TMED8: variants seen among roughly 807,000 people sequenced by gnomAD.
The protein encoded by TMED8 is protein TMED8.
In TMED8, 15 loss-of-function variants were observed where a neutral mutation model predicts 32.7. That is an observed-to-expected ratio of 0.46 (90% CI 0.31 to 0.71). The LOEUF (loss-of-function observed/expected upper bound fraction) is 0.71. Among genes scored for constraint, TMED8 ranks in the 30% least tolerant of loss-of-function variants. TMED8 has a pLI of 0.06. For missense variants in TMED8, 390 were observed against 423.9 expected (o/e 0.92, Z 0.70); for synonymous variants, 147 against 161.4 (o/e 0.91, Z 0.68).
At position 77,346,615 on chromosome 14, in the gene TMED8, AC is replaced by A. The variant is rs1268278725; in HGVS notation, c.198-138del. ...CTGGCATTTATTTAGCTCTACTGTC[AC>A]CTTAGCCGACCACTGCCCAGGGCTG... On this transcript the variant is annotated intron_variant, in intron 2 of 5. Transcript: ENST00000216468. 9.2e-6 allele frequency: 10 copies of A among 1,083,094 alleles called. No individual in the cohort carries two copies. In the African/African-American group the frequency reaches 1.4e-4, roughly 15 times the overall value. 67.1% of individuals were successfully genotyped at this position (1,083,094 alleles called of 1,614,324 possible).
rs965128680 is a variant in TMED8 at position 77,336,419 on chromosome 14, G to A, written c.*5352C>T. 1 of 152,134 alleles carries A rather than the reference G, an allele frequency of 6.6e-6. No homozygotes were observed. Among genetic ancestry groups the A allele is most frequent in the Non-Finnish European group, 1.5e-5 (1 of 68,016 alleles). The allele number at this position is 152,134 out of a possible 1,614,324, so 9.4% of individuals were successfully genotyped here. ...AGTGTCTTGCCTTTGGACTGTGTGTGTGAGGCATGCCTATTTGTAAATGAG... is the reference window on the plus strand; with the variant it reads ...AGTGTCTTGCCTTTGGACTGTGTGTATGAGGCATGCCTATTTGTAAATGAG... On this transcript the variant is annotated 3_prime_UTR_variant, in exon 6 of 6. Coordinates refer to ENST00000216468, the MANE Select transcript of TMED8 (RefSeq NM_213601.3).
Position 77,376,686 on chromosome 14 carries a change from T to C in TMED8, c.118+250A>G. On this transcript the variant is annotated intron_variant, in intron 1 of 5. Coordinates refer to ENST00000216468, the MANE Select transcript of TMED8 (RefSeq NM_213601.3). The surrounding 1 kb of genome is among the most constrained non-coding windows in gnomAD (Gnocchi z 4.0). ...GGCAGAGCCACCCTGTCACTACCAT[T>C]TGGGCAGATCTCAGAAAGGAAGCGG... is the stretch of plus-strand genomic sequence containing the variant. The C allele has an allele frequency of 1.0e-5, 3 of 295,262 alleles. No homozygotes were observed. Among genetic ancestry groups the C allele is most frequent in the Non-Finnish European group, 6.2e-6 (1 of 160,578 alleles). The allele number at this position is 295,262 out of a possible 1,614,324, so 18.3% of individuals were successfully genotyped here.
intron 1 of TMED8, among the ~76,000 whole-genome samples, chr14:77,365,140 C>T (rs1409307085): frequency 6.6e-6 from 1 of 152,076 alleles, no homozygotes; most frequent in Non-Finnish European, 1.5e-5. Context: ...AAATATTTTG[C>T]CAAAATCAAA....
chr14:77,365,970 A>G (rs1224988099), intron 1 of TMED8, among the ~76,000 whole-genome samples: 1 of 152,250 alleles, frequency 6.6e-6, no homozygotes, highest in African/African-American at 2.4e-5. Context: ...GGCTATAATT[A>G]GAAAATAATT....
At chr14:77,372,175 T>G (rs2139639238) in intron 1 of TMED8, among the ~76,000 whole-genome samples, 1 of 152,320 alleles carries the variant, frequency 6.6e-6, no homozygotes, top group Middle Eastern at 3.4e-3. Context: ...TGATGGCCAC[T>G]AAAGCAAAGG....
chr14:77,362,874 AAAG>A (rs1242712857), intron 1 of TMED8, among the ~76,000 whole-genome samples: 2 of 152,246 alleles, frequency 1.3e-5, no homozygotes, highest in African/African-American at 4.8e-5. Context: ...CACACGAAAC[AAAG>A]AAGGCCATTA....
chr14:77,366,494 G>A (rs994770832), intron 1 of TMED8, among the ~76,000 whole-genome samples: 3 of 152,180 alleles, frequency 2.0e-5, no homozygotes, highest in African/African-American at 7.2e-5. Flanking sequence ...TAACAATTTA[G>A]TGAGCCTCCT....
rs138762800 is a variant in TMED8 at position 77,357,322 on chromosome 14, T to G, written c.119-5571A>C. ...TTCATGTTTTCAGCCTAATCCACCA[T>G]CAAGCTCCTCATTAACCCTGCACCT... is the stretch of plus-strand genomic sequence containing the variant. On this transcript the variant is annotated intron_variant, in intron 1 of 5. Transcript: ENST00000216468. 4.6e-5 allele frequency among the ~76,000 whole-genome samples: 7 copies of G among 152,318 alleles called. No individual in the cohort carries two copies. The East Asian group carries it at 1.3e-3, about 29-fold the overall frequency.
rs1200165466 is a variant in TMED8 at position 77,340,150 on chromosome 14, T to G, written c.*1621A>C. The G allele has an allele frequency of 6.6e-6, 1 of 151,996 alleles. No individual in the cohort carries two copies. The highest frequency in any genetic ancestry group is 1.5e-5 in the Non-Finnish European group (1 of 68,030). The allele number at this position is 151,996 out of a possible 1,614,324, so 9.4% of individuals were successfully genotyped here. On this transcript the variant is annotated 3_prime_UTR_variant, in exon 6 of 6. Coordinates refer to ENST00000216468, the MANE Select transcript of TMED8 (RefSeq NM_213601.3). ...ACAACTTAGAATTTTTCATGGGGAG[T>G]GCTGGACTGTACCCCAAACATGGAG...
intron 2 of TMED8, among the ~76,000 whole-genome samples, chr14:77,347,829 T>C (rs143723009): frequency 1.3e-5 from 2 of 152,368 alleles, no homozygotes; most frequent in Non-Finnish European, 2.9e-5. Context: ...TTTGGGAATC[T>C]GTTGCTGATA....
chr14:77,347,256 A>C (rs1893069619), intron 2 of TMED8, among the ~76,000 whole-genome samples: 1 of 152,220 alleles, frequency 6.6e-6, no homozygotes, highest in African/African-American at 2.4e-5. Context: ...AGGTCTGCCT[A>C]AGGGAGACTG....
intron 1 of TMED8, among the ~76,000 whole-genome samples, chr14:77,364,881 T>C (rs1055948956): frequency 2.0e-5 from 3 of 152,186 alleles, no homozygotes; most frequent in African/African-American, 7.2e-5. Context: ...ACACTAGATA[T>C]AATCATTCCT....
intron 1 of TMED8, among the ~76,000 whole-genome samples, chr14:77,353,947 C>T (rs1352148355): frequency 4.6e-5 from 7 of 152,186 alleles, no homozygotes; most frequent in African/African-American, 1.7e-4. Context: ...GTGAAGTGTG[C>T]TTTCTAATAA....
intron 1 of TMED8, among the ~76,000 whole-genome samples, chr14:77,370,742 AGTGT>A (rs33940271): frequency 0.016 from 2,385 of 150,100 alleles, 62 homozygotes; most frequent in African/African-American, 0.053. Flanking sequence ...TATAAAAAAA[AGTGT>A]GTGTGTGTGT....
intron 2 of TMED8, 110 bp downstream of exon 2, chr14:77,351,563 C>T (rs920722577): frequency 9.6e-7 from 1 of 1,046,470 alleles, no homozygotes; most frequent in Admixed American, 2.2e-5. Flanking sequence ...GCCCGGCCCA[C>T]ATTCTTTACT....
rs868026078 is a variant in TMED8 at position 77,372,021 on chromosome 14, C to G, written c.118+4915G>C. On this transcript the variant is annotated intron_variant, in intron 1 of 5. Coordinates refer to ENST00000216468, the MANE Select transcript of TMED8 (RefSeq NM_213601.3). ...CAAAATGTCAATTAAATGTCAATGT[C>G]AAGAAAAAATAGTAAATAACTAATA... is the stretch of plus-strand genomic sequence containing the variant. Among the ~76,000 whole-genome samples, 26 of 152,156 alleles carry G rather than the reference C, an allele frequency of 1.7e-4. No individual in the cohort carries two copies. The Middle Eastern group carries it at 0.01, about 60-fold the overall frequency.
At chr14:77,342,522 A>AAGC (rs1230461027) in intron 5 of TMED8, among the ~76,000 whole-genome samples, 1 of 152,218 alleles carries the variant, frequency 6.6e-6, no homozygotes, top group Non-Finnish European at 1.5e-5. Context: ...TTCTATGAAG[A>AAGC]AGCACGTTAA....
rs201558897 is a variant in TMED8 at position 77,372,905 on chromosome 14, A to ATT, written c.118+4029_118+4030dup. Reference sequence around the variant, plus strand: ...CATGCACATTGAAATAGCCACAGATATTATATATATATATATATATATATA... The same window carrying ATT: ...CATGCACATTGAAATAGCCACAGATATTTTATATATATATATATATATATATA... On this transcript the variant is annotated intron_variant, in intron 1 of 5. Coordinates refer to ENST00000216468, the MANE Select transcript of TMED8 (RefSeq NM_213601.3). Among the ~76,000 whole-genome samples, 78 of 36,262 alleles carry ATT rather than the reference A, an allele frequency of 2.2e-3. 2 individuals are homozygous for ATT. Among genetic ancestry groups the ATT allele is most frequent in the African/African-American group, 5.6e-3 (64 of 11,514 alleles). 23.8% of individuals were successfully genotyped at this position (36,262 alleles called of 152,430 possible). A position where few individuals can be genotyped will look rare whatever the true frequency, so the allele number is the denominator to read the frequency against.
At chr14:77,369,408 A>G (rs376856604) in intron 1 of TMED8, among the ~76,000 whole-genome samples, 1 of 152,330 alleles carries the variant, frequency 6.6e-6, no homozygotes, top group African/African-American at 2.4e-5. Context: ...TCATGAACTT[A>G]GCTGTTTCTG....
Sources: allele counts gnomAD v4.1 joint callset (sites outside exome capture counted in the v4.1 genomes callset), GRCh38; gene constraint gnomAD v4.1.1; non-coding constraint Gnocchi (gnomAD v3.1); transcripts MANE v1.5; gene names NCBI Gene and HGNC (gene_info 2026-07-23, HGNC 2026-07-21).